Variants in MGAT4C observed in about 807,000 individuals in gnomAD.
The protein encoded by MGAT4C is alpha-1,3-mannosyl-glycoprotein 4-beta-N-acetylglucosaminyltransferase C.
MGAT4C carries 19 observed loss-of-function variants against 40.1 expected under a neutral mutation model. That is an observed-to-expected ratio of 0.47 (90% CI 0.33 to 0.70). The LOEUF (loss-of-function observed/expected upper bound fraction) is 0.70, where lower values mean the gene tolerates loss of function less well. Among genes scored for constraint, MGAT4C ranks in the 30% least tolerant of loss-of-function variants. The pLI is 0.02. For synonymous variants in MGAT4C, 181 were observed against 187.1 expected (o/e 0.97, Z 0.27); for missense variants, 491 against 563.2 (o/e 0.87, Z 1.30).
At chr12:86,152,297 G>T (rs182465689) in intron 1 of MGAT4C, among the ~76,000 whole-genome samples, 1 of 152,208 alleles carries the variant, frequency 6.6e-6, no homozygotes, top group African/African-American at 2.4e-5. Context: ...AGATCAAGGC[G>T]CTGGCAGGTT....
chr12:86,137,938 T>C (rs1023697498), intron 1 of MGAT4C, among the ~76,000 whole-genome samples: 4 of 152,218 alleles, frequency 2.6e-5, no homozygotes, highest in Middle Eastern at 6.3e-3. Flanking sequence ...AGGAGCATTT[T>C]ACCCTTCAGG....
chr12:86,109,414 A>C (rs1339197378), intron 1 of MGAT4C, among the ~76,000 whole-genome samples: 1 of 152,132 alleles, frequency 6.6e-6, no homozygotes, highest in Admixed American at 6.6e-5. Flanking sequence ...TAAAGAGTTA[A>C]TTAAACAGAA....
At chr12:86,784,822 G>A (rs1031238363) in intron 1 of MGAT4C, among the ~76,000 whole-genome samples, 2 of 151,850 alleles carry the variant, frequency 1.3e-5, no homozygotes, top group Non-Finnish European at 2.9e-5. Context: ...TTACTTAAAG[G>A]GTAAGGATTA....
At chr12:86,833,987 T>A (rs936080523) in intron 1 of MGAT4C, among the ~76,000 whole-genome samples, 8 of 151,896 alleles carry the variant, frequency 5.3e-5, no homozygotes, top group Admixed American at 1.3e-4. Context: ...TCACCCATAT[T>A]GTCATAAATG....
At chr12:86,679,094 G>A (rs111555329) in intron 2 of MGAT4C, among the ~76,000 whole-genome samples, 1 of 151,942 alleles carries the variant, frequency 6.6e-6, no homozygotes, top group Non-Finnish European at 1.5e-5. Context: ...AGTACCTGTT[G>A]TTTCCTGACT....
At chr12:86,732,988 G>C (rs555038185) in intron 1 of MGAT4C, among the ~76,000 whole-genome samples, 1 of 152,216 alleles carries the variant, frequency 6.6e-6, no homozygotes, top group South Asian at 2.1e-4. Context: ...GAGCAGAGAT[G>C]TGAACTCTTT....
rs186045723 is a variant in MGAT4C, at chr12:86,249,760, T to A, written c.-57+6479A>T. On this transcript the variant is annotated intron_variant, in intron 1 of 4. Transcript: ENST00000611864. ...CTTCTCATTTTGACTTTGTTCTTAA[T>A]GAGGTCCCTCTATCTGAAATATCCT... Among the ~76,000 whole-genome samples the A allele has an allele frequency of 5.3e-5, 8 of 152,306 alleles. No individual in the cohort carries two copies. The East Asian group carries it at 1.5e-3, about 29-fold the overall frequency.
At position 86,114,937 on chromosome 12, in the gene MGAT4C, C is replaced by T. The variant is rs559226861; in HGVS notation, c.-56-65214G>A. 2.4e-3 allele frequency among the ~76,000 whole-genome samples: 371 copies of T among 152,032 alleles called. 2 individuals carry two copies. Among genetic ancestry groups the T allele is most frequent in the Middle Eastern group, 0.017 (5 of 292 alleles). Reference sequence around the variant, plus strand: ...TTGGGGGTAACCAGGCATTATAAATCATCTTTGAACCCACTCCTGGAAATA... The same window carrying T: ...TTGGGGGTAACCAGGCATTATAAATTATCTTTGAACCCACTCCTGGAAATA... On this transcript the variant is annotated intron_variant, in intron 1 of 4. Coordinates refer to ENST00000611864, the MANE Select transcript of MGAT4C (RefSeq NM_001351288.2).
intron 3 of MGAT4C, among the ~76,000 whole-genome samples, chr12:86,344,757 T>C (rs1954989483): frequency 8.7e-6 from 1 of 114,330 alleles, no homozygotes; most frequent in Non-Finnish European, 2.1e-5. Flanking sequence ...TGTGTGTGTA[T>C]GTGTGTGTGT....
intron 2 of MGAT4C, among the ~76,000 whole-genome samples, chr12:86,018,741 A>G (rs1466474942): frequency 1.3e-5 from 2 of 152,132 alleles, no homozygotes; most frequent in African/African-American, 4.8e-5. Flanking sequence ...AATGAAATAG[A>G]AAATATATTA....
At chr12:86,632,229 T>C (rs1043330838) in intron 2 of MGAT4C, among the ~76,000 whole-genome samples, 1 of 152,046 alleles carries the variant, frequency 6.6e-6, no homozygotes, top group Non-Finnish European at 1.5e-5. Flanking sequence ...CCAGTTAGAA[T>C]GGGGATCATT....
intron 1 of MGAT4C, among the ~76,000 whole-genome samples, chr12:86,177,059 T>C (rs933551783): frequency 4.0e-5 from 6 of 151,756 alleles, no homozygotes; most frequent in African/African-American, 1.5e-4. Flanking sequence ...CCCTATGTGC[T>C]TTGGTTGGTA....
chr12:86,445,136 G>A (rs757814650), intron 2 of MGAT4C, among the ~76,000 whole-genome samples: 6 of 152,040 alleles, frequency 3.9e-5, no homozygotes, highest in East Asian at 1.9e-4. Context: ...GTATATACAC[G>A]TGTCTACACT....
intron 2 of MGAT4C, among the ~76,000 whole-genome samples, chr12:86,480,012 C>T (rs1288279503): frequency 6.6e-6 from 1 of 151,684 alleles, no homozygotes; most frequent in African/African-American, 2.4e-5. Context: ...ATACATAATA[C>T]CCTAAATAAA....
intron 2 of MGAT4C, chr12:86,495,116 T>C (rs983338686): frequency 4.6e-5 from 7 of 152,086 alleles, no homozygotes; most frequent in African/African-American, 1.7e-4. Context: ...ACATTAGAAA[T>C]ACCCAAATAT....
At chr12:86,466,099 C>T (rs913916279) in intron 2 of MGAT4C, among the ~76,000 whole-genome samples, 2 of 151,974 alleles carry the variant, frequency 1.3e-5, no homozygotes, top group African/African-American at 2.4e-5. Flanking sequence ...ACCCCAGCTA[C>T]TCGGGAAGCT....
chr12:86,407,967 T>C (rs565673912), intron 3 of MGAT4C, among the ~76,000 whole-genome samples: 23 of 152,032 alleles, frequency 1.5e-4, no homozygotes, highest in Admixed American at 2.6e-4. Flanking sequence ...TGAAGATAAA[T>C]AGCAATCTAA....
chr12:86,061,186 C>T (rs1457892341), intron 1 of MGAT4C, among the ~76,000 whole-genome samples: 1 of 152,120 alleles, frequency 6.6e-6, no homozygotes, highest in Admixed American at 6.6e-5. Context: ...GCTGGTTGGA[C>T]AGTGGGTGCA....
At chr12:86,375,787 A>G (rs1235239202) in intron 3 of MGAT4C, among the ~76,000 whole-genome samples, 1 of 152,130 alleles carries the variant, frequency 6.6e-6, no homozygotes, top group Non-Finnish European at 1.5e-5. Flanking sequence ...AACACTAACA[A>G]TGAGAACAAT....
Sources: allele counts gnomAD v4.1 joint callset (sites outside exome capture counted in the v4.1 genomes callset), GRCh38; gene constraint gnomAD v4.1.1; transcripts MANE v1.5; gene names NCBI Gene and HGNC (gene_info 2026-07-23, HGNC 2026-07-21).